Variants in OPHN1 observed in about 807,000 individuals in gnomAD.
The protein encoded by OPHN1 is oligophrenin-1.
OPHN1 carries 11 observed loss-of-function variants against 60.7 expected under a neutral mutation model. That is an observed-to-expected ratio of 0.18 (90% CI 0.11 to 0.30). The LOEUF is 0.30. OPHN1 is among the 10% of genes least tolerant of loss of function. The probability of loss-of-function intolerance (pLI) is 1.00; values close to 1 mark genes in which losing one functional copy is unlikely to be tolerated. For synonymous variants in OPHN1, 226 were observed against 222.6 expected, an observed-to-expected ratio of 1.02 and a Z score of -0.14; for missense variants, 449 against 611.0, an observed-to-expected ratio of 0.73 and a Z score of 2.80.
At chrX:68,304,178 G>A (rs181353441) in intron 2 of OPHN1, among the ~76,000 whole-genome samples, 1 of 111,066 alleles carries the variant, frequency 9.0e-6, no homozygotes, top group African/African-American at 3.3e-5. Flanking sequence ...ATATCACACT[G>A]TATCCCATAA....
intron 5 of OPHN1, among the ~76,000 whole-genome samples, chrX:68,247,271 C>G (rs781521130): frequency 1.0e-3 from 115 of 111,760 alleles, no homozygotes; most frequent in Non-Finnish European, 1.6e-3. Flanking sequence ...ATTATAACCC[C>G]GACCTCACAT....
intron 21 of OPHN1, among the ~76,000 whole-genome samples, chrX:68,054,113 A>C (rs1414461413): frequency 9.1e-6 from 1 of 110,318 alleles, no homozygotes; most frequent in Non-Finnish European, 1.9e-5. Context: ...TCTTACAGAG[A>C]TAGTGGGAGG....
At chrX:68,056,041 A>T (rs2076871647) in intron 21 of OPHN1, among the ~76,000 whole-genome samples, 1 of 111,200 alleles carries the variant, frequency 9.0e-6, no homozygotes, top group Non-Finnish European at 1.9e-5. Flanking sequence ...AATATGGCAC[A>T]TATATACATA....
chrX:68,192,368 A>T (rs1325048396), intron 15 of OPHN1, among the ~76,000 whole-genome samples: 9 of 109,327 alleles, frequency 8.2e-5, no homozygotes, highest in Admixed American at 9.9e-5. Flanking sequence ...GTGTAGTGGC[A>T]CACGCCTATA....
intron 2 of OPHN1, among the ~76,000 whole-genome samples, chrX:68,422,720 AAAGGAAGG>A (rs373179402): frequency 0.05 from 4,361 of 87,728 alleles, 107 homozygotes; most frequent in Non-Finnish European, 0.057. Flanking sequence ...AGAAAGAAAG[AAAGGAAGG>A]AAGGAAGGAA....
chrX:68,258,467 T>C (rs1304711276), intron 5 of OPHN1, among the ~76,000 whole-genome samples: 1 of 90,483 alleles, frequency 1.1e-5, no homozygotes, highest in Non-Finnish European at 2.1e-5. Flanking sequence ...CCTGTGTCCG[T>C]GTGTTCTCAT....
intron 2 of OPHN1, among the ~76,000 whole-genome samples, chrX:68,332,039 A>G (rs2078297826): frequency 1.1e-5 from 1 of 94,130 alleles, no homozygotes; most frequent in African/African-American, 6.4e-5. Flanking sequence ...TGTCTCATAA[A>G]TAAATAAATA....
chrX:68,055,589 C>T (rs1021660002), intron 21 of OPHN1, among the ~76,000 whole-genome samples: 1 of 111,858 alleles, frequency 8.9e-6, no homozygotes, highest in African/African-American at 3.3e-5. Flanking sequence ...TTGACCCAGC[C>T]ATCCCATTAC....
intron 2 of OPHN1, among the ~76,000 whole-genome samples, chrX:68,416,033 A>AATATATATATATATAT (rs1163304135): frequency 3.4e-5 from 1 of 29,777 alleles, no homozygotes; most frequent in Non-Finnish European, 6.8e-5. Flanking sequence ...AAAATTATAT[A>AATATATATATATATAT]ATATATATAT....
chrX:68,204,327 A>C (rs1444099334), intron 10 of OPHN1, among the ~76,000 whole-genome samples: 1 of 111,838 alleles, frequency 8.9e-6, no homozygotes, highest in African/African-American at 3.3e-5. Context: ...ACGCTATAGT[A>C]AGTGCCATAG....
At chrX:68,108,207 C>T (rs755932972) in intron 18 of OPHN1, among the ~76,000 whole-genome samples, 1 of 112,262 alleles carries the variant, frequency 8.9e-6, no homozygotes, top group Non-Finnish European at 1.9e-5. Flanking sequence ...ATTAGTGTGA[C>T]TCTGTTCTTT....
intron 2 of OPHN1, among the ~76,000 whole-genome samples, chrX:68,317,603 A>G (rs1234473216): frequency 1.1e-5 from 1 of 88,139 alleles, no homozygotes; most frequent in East Asian, 3.3e-4. Flanking sequence ...GAGAAAGAAA[A>G]AAGAAAGGAG....
rs758047612 is a variant in OPHN1 at position 68,124,583 on chromosome X, A to G, written c.1277-5251T>C. On this transcript the variant is annotated intron_variant, in intron 15 of 24. Transcript: ENST00000355520. The stretch of plus-strand genomic sequence containing the variant: ...AGATATTTACAGAACATTTCATCCA[A>G]TGGCTACAGAATACACATTCTTCAC... 9.8e-5 allele frequency among the ~76,000 whole-genome samples: 11 copies of G among 111,746 alleles called. No individual in the cohort carries two copies. In the East Asian group the frequency reaches 2.5e-3, roughly 26 times the overall value.
At chrX:68,239,214 G>GCTGGTGTCTGCCGGTGTCCTC (rs1280393599) in intron 5 of OPHN1, among the ~76,000 whole-genome samples, 5 of 103,917 alleles carry the variant, frequency 4.8e-5, no homozygotes, top group African/African-American at 1.4e-4. Context: ...GCTGGCAACT[G>GCTGGTGTCTGCCGGTGTCCTC]CTGGTGTCTG....
chrX:68,366,418 T>A (rs1184335117), intron 2 of OPHN1, among the ~76,000 whole-genome samples: 1 of 110,948 alleles, frequency 9.0e-6, no homozygotes, highest in Non-Finnish European at 1.9e-5. Context: ...AGCTTTGACC[T>A]CCCAGGCTCA....
intron 2 of OPHN1, among the ~76,000 whole-genome samples, chrX:68,417,228 G>A (rs941015048): frequency 1.8e-5 from 2 of 111,351 alleles, no homozygotes; most frequent in South Asian, 7.6e-4. Context: ...AAATAGCTGG[G>A]ATTACAGGTG....
chrX:68,417,056 C>T (rs1382956784), intron 2 of OPHN1, among the ~76,000 whole-genome samples: 1 of 105,189 alleles, frequency 9.5e-6, no homozygotes, highest in African/African-American at 3.4e-5. Flanking sequence ...CTTGAGAAAT[C>T]GAGTTACTAT....
intron 6 of OPHN1, among the ~76,000 whole-genome samples, chrX:68,228,408 T>C (rs756911608): frequency 1.1e-4 from 12 of 110,886 alleles, no homozygotes; most frequent in Admixed American, 4.8e-4. Context: ...ACTCATTTTA[T>C]GAAGCCAGCA....
At chrX:68,367,301 C>A (rs112622676) in intron 2 of OPHN1, among the ~76,000 whole-genome samples, 2 of 105,953 alleles carry the variant, frequency 1.9e-5, no homozygotes, top group African/African-American at 6.9e-5. Context: ...TTGCAGTGAA[C>A]CGAGATAGCA....
Sources: allele counts gnomAD v4.1 joint callset (sites outside exome capture counted in the v4.1 genomes callset), GRCh38; gene constraint gnomAD v4.1.1; transcripts MANE v1.5; gene names NCBI Gene and HGNC (gene_info 2026-07-23, HGNC 2026-07-21).